Variants in FAAP100 observed in about 807,000 individuals in gnomAD.
FAAP100 encodes the protein FA core complex associated protein 100, also known as Fanconi anemia core complex-associated protein 100.
A neutral mutation model predicts 65.8 loss-of-function variants in FAAP100; 46 were observed. That is an observed-to-expected ratio of 0.70 (90% CI 0.55 to 0.89). The LOEUF (loss-of-function observed/expected upper bound fraction) is 0.89, where lower values mean the gene tolerates loss of function less well. Among genes scored for constraint, FAAP100 ranks in the 40% least tolerant of loss-of-function variants. The pLI is 0.00. For missense variants in FAAP100, 1,165 were observed against 1,196.7 expected (o/e 0.97, Z 0.39); for synonymous variants, 663 against 555.1 (o/e 1.19, Z -2.73).
In FAAP100 at chr17:81,550,837, C is replaced by T. The variant is rs758907127; in HGVS notation, c.657G>A (p.Thr219=). The change falls in exon 3 of 9, where the codon ACG becomes ACA. Residue 219 remains threonine, a synonymous_variant. Transcript: ENST00000327787. The part of the protein sequence containing the change: ...HDLLGGSGGF[T]LEDALFGLLF... ...GGAGCCCGAAGAGGGCGTCCTCCAG[C>T]GTGAAGCCCCCGGAGCCCCCGAGGA... is the stretch of plus-strand genomic sequence containing the variant. 3 of 1,612,098 alleles carry T rather than the reference C, an allele frequency of 1.9e-6. No individual in the cohort carries two copies. The highest frequency in any genetic ancestry group is 2.2e-5 in the East Asian group (1 of 44,844).
In FAAP100 at chr17:81,540,960, A is replaced by C; in HGVS notation, c.2515-10T>G. 1 of 1,570,260 alleles carries C rather than the reference A, an allele frequency of 6.4e-7. No homozygotes were observed. The highest frequency in any genetic ancestry group is 8.6e-7 in the Non-Finnish European group (1 of 1,159,856). ...CCTCCCGCAGCAGTGTCTGCAGGTG[A>C]AGCAGACACAGCTCAGGCCCCCCAC... On this transcript the variant is annotated splice_polypyrimidine_tract_variant and intron_variant, in intron 8 of 8. Coordinates refer to ENST00000327787, the MANE Select transcript of FAAP100 (RefSeq NM_025161.6).
At chr17:81,552,792 G>A (rs1416521339), upstream of FAAP100, among the ~76,000 whole-genome samples, 5 of 152,178 alleles carry the variant, frequency 3.3e-5, no homozygotes, top group African/African-American at 1.2e-4. Flanking sequence ...AGCCGGGGTC[G>A]GGGTGGGGCA....
Position 81,540,920 on chromosome 17 carries a change from C to G in FAAP100, c.2545G>C (p.Asp849His). ...TLLREVQTLR[D>H]RLCTEDEASS... is the part of the protein sequence containing the mutation. ...GCCTCATCCTCCGTGCAGAGCCGGT[C>G]GCGCAGGGTCTGCACCTCCCGCAGC... The change falls in exon 9 of 9, where the codon GAC becomes CAC. Residue 849 changes from aspartate to histidine, a missense_variant. Transcript: ENST00000327787. The G allele has an allele frequency of 1.3e-6, 2 of 1,592,114 alleles. No homozygotes were observed. Among genetic ancestry groups the G allele is most frequent in the Middle Eastern group, 1.7e-4 (1 of 5,988 alleles).
At chr17:81,548,027 A>C (rs999133076) in intron 4 of FAAP100, 1 of 692,540 alleles carries the variant, frequency 1.4e-6, no homozygotes, top group Non-Finnish European at 2.6e-6. Context: ...CGGGTGGTGC[A>C]TTACCCCACC....
Position 81,547,005 on chromosome 17 carries a change from G to C in FAAP100, c.2077C>G (p.Pro693Ala). Residue 693 changes from proline (P) to alanine (A), a missense_variant, in exon 5 of 9, where the codon CCC becomes GCC. By Grantham distance (27) the Pro-to-Ala change is conservative. Transcript: ENST00000327787. ...CREPGSQPAG[P>A]ASLRAEYLPP... is the part of the protein sequence containing the mutation. ...AGGTACTCGGCCCGCAGGGAGGCGG[G>C]TCCTGCTGGCTGGCTGCCAGGCTCC... 2 of 1,532,760 alleles carry C rather than the reference G, an allele frequency of 1.3e-6. No individual in the cohort carries two copies. Among genetic ancestry groups the C allele is most frequent in the Non-Finnish European group, 8.8e-7 (1 of 1,140,046 alleles). 94.9% of individuals were successfully genotyped at this position (1,532,760 alleles called of 1,614,324 possible). A position where few individuals can be genotyped will look rare whatever the true frequency, so the allele number is the denominator to read the frequency against.
intron 5 of FAAP100, 66 bp from the exon 6 acceptor site, chr17:81,545,948 A>C: frequency 6.5e-7 from 1 of 1,541,672 alleles, no homozygotes; most frequent in South Asian, 1.2e-5. Flanking sequence ...CGATCCTACC[A>C]GGTGGGCATC....
At chr17:81,551,718 T>C in intron 2 of FAAP100, 1 of 1,337,864 alleles carries the variant, frequency 7.5e-7, no homozygotes, top group East Asian at 3.1e-5. Flanking sequence ...CTTAACCATG[T>C]GAACCCCACT....
intron 4 of FAAP100, chr17:81,548,335 T>G: frequency 3.2e-6 from 1 of 314,668 alleles, no homozygotes; most frequent in Non-Finnish European, 5.9e-6. Context: ...CGTGCCCCAC[T>G]AGGGAGAAAG....
intron 7 of FAAP100, among the ~76,000 whole-genome samples, chr17:81,542,140 C>T (rs1001398303): frequency 2.4e-5 from 3 of 123,916 alleles, no homozygotes; most frequent in Non-Finnish European, 4.8e-5. Flanking sequence ...GCACTCCAGC[C>T]TGGGCGACAG....
chr17:81,544,704 G>A (rs982116329), intron 6 of FAAP100, among the ~76,000 whole-genome samples: 1 of 152,232 alleles, frequency 6.6e-6, no homozygotes, highest in Non-Finnish European at 1.5e-5. Context: ...CACAGCACAA[G>A]AGGTGAGACG....
rs775050998 is a variant in FAAP100, at chr17:81,547,365, C to T, written c.1717G>A (p.Gly573Ser). The change falls in exon 5 of 9, where the codon GGC becomes AGC. Residue 573 changes from glycine (G) to serine (S), a missense_variant. Physicochemically the swap from Gly to Ser is moderately conservative, Grantham distance 56. Coordinates refer to ENST00000327787, the MANE Select transcript of FAAP100 (RefSeq NM_025161.6). Reference sequence around the variant, plus strand: ...GTCACCTCCCGCCGAGCACCGGGGCCGAGCTGGTCCACGGGGATGGTGTAG... The same window carrying T: ...GTCACCTCCCGCCGAGCACCGGGGCTGAGCTGGTCCACGGGGATGGTGTAG... The part of the protein sequence containing the change: ...ITYTIPVDQL[G>S]PGARREVTLP... 124 of 1,612,694 alleles carry T rather than the reference C, an allele frequency of 7.7e-5. No homozygotes were observed. Among genetic ancestry groups the T allele is most frequent in the Non-Finnish European group, 9.7e-5 (115 of 1,179,968 alleles).
In FAAP100 at chr17:81,551,150, A is replaced by G. The variant is rs1245732926; in HGVS notation, c.344T>C (p.Val115Ala). The stretch of plus-strand genomic sequence containing the variant: ...GCAGGCATCGGGGTCCACAGGGATC[A>G]CGGGGGAAGGCTGGTCACCGTCCTC... The part of the protein sequence containing the change: ...DSEDGDQPSP[V>A]IPVDPDACIL... The change falls in exon 3 of 9, where the codon GTG (valine) becomes GCG (alanine). Residue 115 changes from valine to alanine, a missense_variant. Physicochemically the swap from Val to Ala is moderately conservative, Grantham distance 64 (BLOSUM62 0). Transcript: ENST00000327787. 6.5e-7 allele frequency: 1 copy of G among 1,547,118 alleles called. No individual in the cohort carries two copies. Among genetic ancestry groups the G allele is most frequent in the South Asian group, 1.2e-5 (1 of 83,890 alleles).
At position 81,551,940 on chromosome 17, in the gene FAAP100, G is replaced by C; in HGVS notation, c.278C>G (p.Pro93Arg). 1.3e-6 allele frequency: 2 copies of C among 1,558,656 alleles called. No homozygotes were observed. Among genetic ancestry groups the C allele is most frequent in the Non-Finnish European group, 1.7e-6 (2 of 1,161,700 alleles). ...GGCCCGCCCTCACCTGCTCCTGCCCGGGTGGTCCAGCGACAGGCAGTAGAG... is the reference window on the plus strand; with the variant it reads ...GGCCCGCCCTCACCTGCTCCTGCCCCGGTGGTCCAGCGACAGGCAGTAGAG... ...RGLYCLSLDH[P>R]GRSRSTSQDD... The change falls in exon 2 of 9, where the codon CCG becomes CGG. Residue 93 changes from proline to arginine, a missense_variant. Pro to Arg is a moderately radical substitution (Grantham distance 103, BLOSUM62 -2). Transcript: ENST00000327787.
chr17:81,546,901 C>T lies in FAAP100; in HGVS notation c.2173+8G>A. On this transcript the variant is annotated splice_region_variant and intron_variant, in intron 5 of 8. Transcript: ENST00000327787. ...CAAGGCTGAGCAAAGCCAAGCAGTGCCACCAACCTGAGTGGCCGTCCTTCA... is the reference window on the plus strand; with the variant it reads ...CAAGGCTGAGCAAAGCCAAGCAGTGTCACCAACCTGAGTGGCCGTCCTTCA... The T allele has an allele frequency of 7.2e-7, 1 of 1,385,862 alleles. No homozygotes were observed. The highest frequency in any genetic ancestry group is 9.4e-7 in the Non-Finnish European group (1 of 1,063,504). The allele number at this position is 1,385,862 out of a possible 1,614,324, so 85.8% of individuals were successfully genotyped here. A position where few individuals can be genotyped will look rare whatever the true frequency, so the allele number is the denominator to read the frequency against.
intron 2 of FAAP100, 120 bp downstream of exon 2, chr17:81,551,808 C>T (rs2033505151): frequency 7.2e-7 from 1 of 1,381,892 alleles, no homozygotes; most frequent in Non-Finnish European, 9.3e-7. Flanking sequence ...GGATGGCGGC[C>T]GAGGCTTCAG....
At position 81,540,655 on chromosome 17, in the gene FAAP100, G is replaced by C. The variant is rs776195550; in HGVS notation, c.*164C>G. The C allele has an allele frequency of 1.1e-4, 108 of 949,604 alleles. No homozygotes were observed. Among genetic ancestry groups the C allele is most frequent in the Non-Finnish European group, 1.5e-4 (103 of 691,214 alleles). 58.8% of individuals were successfully genotyped at this position (949,604 alleles called of 1,614,324 possible). ...AATCAGAATCTGCTTTGTGCTCCAC[G>C]GCCTCCAAGCACTTTCATGAGCGTT... is the stretch of plus-strand genomic sequence containing the variant. On this transcript the variant is annotated 3_prime_UTR_variant, in exon 9 of 9. Transcript: ENST00000327787.
At chr17:81,543,232 T>G (rs1320818504) in intron 7 of FAAP100, among the ~76,000 whole-genome samples, 4 of 152,144 alleles carry the variant, frequency 2.6e-5, no homozygotes, top group African/African-American at 9.7e-5. Flanking sequence ...CAAGCTGGCG[T>G]CAGGCTGCAG....
chr17:81,544,117 C>G lies in FAAP100; in HGVS notation c.2314G>C (p.Ala772Pro). ...ANVHLIVREV[A>P]MTDLCPAGPI... ...CCTGCTGGGCACAGGTCAGTCATGGCCACCTGCAACACAGGAGCCACCTCA... is the reference window on the plus strand; with the variant it reads ...CCTGCTGGGCACAGGTCAGTCATGGGCACCTGCAACACAGGAGCCACCTCA... The change falls in exon 7 of 9, where the codon GCC (alanine) becomes CCC (proline). Residue 772 changes from alanine to proline, a missense_variant. By Grantham distance (27) the Ala-to-Pro change is conservative. Coordinates refer to ENST00000327787, the MANE Select transcript of FAAP100 (RefSeq NM_025161.6). The G allele has an allele frequency of 6.2e-7, 1 of 1,607,508 alleles. No homozygotes were observed. Among genetic ancestry groups the G allele is most frequent in the Non-Finnish European group, 8.5e-7 (1 of 1,175,292 alleles).
chr17:81,540,474 G>T lies in FAAP100; in HGVS notation c.*345C>A. 2.5e-6 allele frequency: 1 copy of T among 407,044 alleles called. No individual in the cohort carries two copies. The highest frequency in any genetic ancestry group is 4.3e-6 in the Non-Finnish European group (1 of 230,782). 25.2% of individuals were successfully genotyped at this position (407,044 alleles called of 1,614,324 possible). ...CTCCGGGTCCAGAATGCCCTGCACTGCCTCCTGGCCTCAGGGGCTGCTGCG... is the reference window on the plus strand; with the variant it reads ...CTCCGGGTCCAGAATGCCCTGCACTTCCTCCTGGCCTCAGGGGCTGCTGCG... On this transcript the variant is annotated 3_prime_UTR_variant, in exon 9 of 9. Coordinates refer to ENST00000327787, the MANE Select transcript of FAAP100 (RefSeq NM_025161.6).
Sources: allele counts gnomAD v4.1 joint callset (sites outside exome capture counted in the v4.1 genomes callset), GRCh38; gene constraint gnomAD v4.1.1; transcripts MANE v1.5; gene names NCBI Gene and HGNC (gene_info 2026-07-23, HGNC 2026-07-21).